The following FAF1 variants were observed in gnomAD, a reference collection of about 807,000 sequenced individuals.
FAF1 encodes FAS-associated factor 1.
In FAF1, 25 loss-of-function variants were observed where a neutral mutation model predicts 92.5. The ratio of observed to expected loss-of-function variants is 0.27; its 90% CI spans 0.20 to 0.38. The LOEUF is 0.38. Among genes scored for constraint, FAF1 ranks in the 10% least tolerant of loss-of-function variants. The probability of loss-of-function intolerance (pLI) is 1.00; values close to 1 mark genes in which losing one functional copy is unlikely to be tolerated. For synonymous variants in FAF1, 234 were observed against 273.2 expected (o/e 0.86, Z 1.42); for missense variants, 636 against 793.3 (o/e 0.80, Z 2.38).
intron 1 of FAF1, among the ~76,000 whole-genome samples, chr1:50,891,329 T>C (rs187755336): frequency 2.0e-5 from 3 of 152,136 alleles, no homozygotes; most frequent in African/African-American, 4.8e-5. Context: ...CCAGAGAAGT[T>C]TGGTCTTCTG....
chr1:50,838,150 G>A (rs892812251), intron 2 of FAF1, among the ~76,000 whole-genome samples: 1 of 152,048 alleles, frequency 6.6e-6, no homozygotes, highest in South Asian at 2.1e-4. Context: ...ACATATTTTG[G>A]TATATCACAA....
chr1:50,776,336 C>G (rs374918190), intron 4 of FAF1, among the ~76,000 whole-genome samples: 2 of 152,142 alleles, frequency 1.3e-5, no homozygotes, highest in African/African-American at 4.8e-5. Flanking sequence ...CAATATGTAT[C>G]TACTCCTGCT....
At chr1:50,666,620 C>T (rs913825837) in intron 7 of FAF1, among the ~76,000 whole-genome samples, 4 of 152,160 alleles carry the variant, frequency 2.6e-5, no homozygotes, top group African/African-American at 4.8e-5. Context: ...CAGTGGCTCA[C>T]GCCTGTAATC....
chr1:50,899,787 G>C (rs979801929), intron 1 of FAF1, among the ~76,000 whole-genome samples: 1 of 152,142 alleles, frequency 6.6e-6, no homozygotes, highest in African/African-American at 2.4e-5. Flanking sequence ...TGAGATGCTT[G>C]AAAATAATTG....
intron 2 of FAF1, among the ~76,000 whole-genome samples, chr1:50,830,881 C>T (rs1260097763): frequency 1.3e-5 from 2 of 151,992 alleles, no homozygotes; most frequent in South Asian, 2.1e-4. Context: ...TTTTTGTAAC[C>T]TAAACCCATT....
intron 2 of FAF1, among the ~76,000 whole-genome samples, chr1:50,819,716 CGTATATATATAT>C (rs1644018459): frequency 5.4e-5 from 1 of 18,492 alleles, no homozygotes; most frequent in African/African-American, 1.8e-4. Flanking sequence ...TATATATATA[CGTATATATATAT>C]ACATATATAT....
chr1:50,688,032 G>A (rs1304407244), intron 7 of FAF1, among the ~76,000 whole-genome samples: 5 of 151,960 alleles, frequency 3.3e-5, no homozygotes, highest in African/African-American at 1.2e-4. Context: ...CTACTCGGGA[G>A]GCTGAGGCAG....
chr1:50,445,503 TG>T (rs1253175743), intron 18 of FAF1, among the ~76,000 whole-genome samples: 11 of 152,214 alleles, frequency 7.2e-5, no homozygotes, highest in Admixed American at 3.3e-4. Flanking sequence ...TTGGATGAGA[TG>T]ATCCTGAAGT....
intron 15 of FAF1, among the ~76,000 whole-genome samples, chr1:50,520,738 CT>C (rs1647456091): frequency 6.6e-6 from 1 of 152,064 alleles, no homozygotes; most frequent in Non-Finnish European, 1.5e-5. Flanking sequence ...GTCCCAGCAA[CT>C]GGGAGGGAGG....
intron 7 of FAF1, among the ~76,000 whole-genome samples, chr1:50,681,317 G>T (rs901514431): frequency 2.6e-5 from 4 of 152,072 alleles, no homozygotes; most frequent in African/African-American, 9.7e-5. Context: ...AAAATGCTGG[G>T]ATTACAGGCA....
At chr1:50,816,147 C>T (rs187827255) in intron 2 of FAF1, among the ~76,000 whole-genome samples, 6 of 148,686 alleles carry the variant, frequency 4.0e-5, no homozygotes, top group East Asian at 2.0e-4. Context: ...GGCCATTATA[C>T]GTCTTATTTT....
chr1:50,460,961 G>A (rs1443746669), intron 18 of FAF1, among the ~76,000 whole-genome samples: 4 of 152,080 alleles, frequency 2.6e-5, no homozygotes, highest in Non-Finnish European at 1.5e-5. Flanking sequence ...CCTAAGTAAA[G>A]TGCCTCTAAA....
intron 12 of FAF1, among the ~76,000 whole-genome samples, chr1:50,569,651 C>T (rs561257112): frequency 1.3e-5 from 2 of 152,262 alleles, no homozygotes; most frequent in South Asian, 4.1e-4. Flanking sequence ...TTTAAATCAG[C>T]ATATTTCTAA....
intron 6 of FAF1, among the ~76,000 whole-genome samples, chr1:50,708,968 CT>C (rs2124430049): frequency 6.6e-6 from 1 of 152,212 alleles, no homozygotes; most frequent in African/African-American, 2.4e-5. Flanking sequence ...GGAAATGAGG[CT>C]CAAACAATAG....
rs201218960 is a variant in FAF1 at position 50,954,644 on chromosome 1, G to C, written c.45+5123C>G. 5.4e-5 allele frequency among the ~76,000 whole-genome samples: 8 copies of C among 147,812 alleles called. No homozygotes were observed. The East Asian group carries it at 1.6e-3, about 30-fold the overall frequency. On this transcript the variant is annotated intron_variant, in intron 1 of 18. Coordinates refer to ENST00000396153, the MANE Select transcript of FAF1 (RefSeq NM_007051.3). ...AAACCTCCACCTCCCAGGTTCAAGT[G>C]ATTCTCCTGCCTCAGCCTCCCACAG...
intron 7 of FAF1, among the ~76,000 whole-genome samples, chr1:50,691,429 G>A (rs949696111): frequency 1.3e-5 from 2 of 151,944 alleles, no homozygotes; most frequent in Admixed American, 1.3e-4. Context: ...TATTAGTAGA[G>A]ATGGGTTTCA....
At chr1:50,813,249 T>A (rs900066556) in intron 2 of FAF1, among the ~76,000 whole-genome samples, 1 of 151,962 alleles carries the variant, frequency 6.6e-6, no homozygotes, top group Non-Finnish European at 1.5e-5. Context: ...GGGGAAAAAT[T>A]GAAAAAAAAT....
chr1:50,597,009 T>C (rs1440352838), intron 8 of FAF1, among the ~76,000 whole-genome samples: 2 of 152,026 alleles, frequency 1.3e-5, no homozygotes, highest in Non-Finnish European at 2.9e-5. Flanking sequence ...AAACAAAAAA[T>C]AAGCAAATGA....
chr1:50,620,511 T>C (rs1277891319), intron 8 of FAF1, among the ~76,000 whole-genome samples: 1 of 152,248 alleles, frequency 6.6e-6, no homozygotes, highest in African/African-American at 2.4e-5. Context: ...TGAATCTCAA[T>C]GCACTTCGTT....
Sources: allele counts gnomAD v4.1 joint callset (sites outside exome capture counted in the v4.1 genomes callset), GRCh38; gene constraint gnomAD v4.1.1; transcripts MANE v1.5; gene names NCBI Gene and HGNC (gene_info 2026-07-23, HGNC 2026-07-21).